ZFHX3: variants seen among roughly 807,000 people sequenced by gnomAD.
ZFHX3 encodes the protein zinc finger homeobox protein 3.
Under a neutral mutation model 279.1 loss-of-function variants are expected in ZFHX3, and 42 were observed. That is an observed-to-expected ratio of 0.15 (90% CI 0.12 to 0.19). The LOEUF is 0.19. Among genes scored for constraint, ZFHX3 ranks in the 10% least tolerant of loss-of-function variants. The pLI is 1.00. For missense variants in ZFHX3, 4,981 were observed against 4,754.0 expected (o/e 1.05, Z -1.40); for synonymous variants, 2,293 against 1,957.8 (o/e 1.17, Z -4.52).
chr16:73,019,328 G>A (rs5817825), intron 1 of ZFHX3, among the ~76,000 whole-genome samples: 1 of 74,166 alleles, frequency 1.3e-5, no homozygotes, highest in South Asian at 4.3e-4. Flanking sequence ...CAGCGTGTGC[G>A]TGTGTGTGTC....
intron 5 of ZFHX3, among the ~76,000 whole-genome samples, chr16:73,190,233 A>G (rs1006878373): frequency 4.6e-5 from 7 of 152,226 alleles, no homozygotes; most frequent in Admixed American, 4.6e-4. Flanking sequence ...TGGTGAATTC[A>G]TTTTGGAAGT....
At position 72,862,971 on chromosome 16, in the gene ZFHX3, A is replaced by G. The variant is rs192943481; in HGVS notation, c.3448+26760T>C. On this transcript the variant is annotated intron_variant, in intron 4 of 9. Transcript: ENST00000268489. ...AAAAAACACATGTATTAGGCTGGGTATGACAGCTCACACCTGTAATTCCAG... is the reference window on the plus strand; with the variant it reads ...AAAAAACACATGTATTAGGCTGGGTGTGACAGCTCACACCTGTAATTCCAG... Among the ~76,000 whole-genome samples, 22 of 152,328 alleles carry G rather than the reference A, an allele frequency of 1.4e-4. No individual in the cohort carries two copies. In the East Asian group the frequency reaches 2.9e-3, roughly 20 times the overall value.
intron 3 of ZFHX3, among the ~76,000 whole-genome samples, chr16:73,320,126 A>G (rs546758289): frequency 6.6e-6 from 1 of 152,214 alleles, no homozygotes; most frequent in African/African-American, 2.4e-5. Flanking sequence ...TGCAATCACT[A>G]TGAAAAGAAA....
intron 2 of ZFHX3, among the ~76,000 whole-genome samples, chr16:73,506,519 G>T (rs764021663): frequency 6.6e-6 from 1 of 152,186 alleles, no homozygotes; most frequent in Non-Finnish European, 1.5e-5. Context: ...CAAAGTTCAT[G>T]TATATTAGCC....
chr16:73,493,794 G>A (rs912281026), intron 2 of ZFHX3, among the ~76,000 whole-genome samples: 1 of 152,072 alleles, frequency 6.6e-6, no homozygotes, highest in African/African-American at 2.4e-5. Context: ...ATGCACACAC[G>A]GTTGACCCTT....
At chr16:73,222,970 A>T (rs1597228262) in intron 5 of ZFHX3, among the ~76,000 whole-genome samples, 1 of 152,196 alleles carries the variant, frequency 6.6e-6, no homozygotes, top group East Asian at 1.9e-4. Flanking sequence ...GATAGAGGAA[A>T]GATAGTCTTT....
intron 2 of ZFHX3, among the ~76,000 whole-genome samples, chr16:73,505,309 A>G (rs2143673913): frequency 6.6e-6 from 1 of 152,292 alleles, no homozygotes; most frequent in East Asian, 1.9e-4. Flanking sequence ...TAATAATAAC[A>G]AAATGCTCGC....
At chr16:72,864,399 A>G (rs1463150975) in intron 4 of ZFHX3, among the ~76,000 whole-genome samples, 1 of 152,162 alleles carries the variant, frequency 6.6e-6, no homozygotes, top group African/African-American at 2.4e-5. Context: ...AAACAAGACC[A>G]CATCAATCAT....
In ZFHX3 at chr16:72,939,038, C is replaced by T. The variant is rs1313447310; in HGVS notation, c.3216+11431G>A. Among the ~76,000 whole-genome samples, 10 of 152,198 alleles carry T rather than the reference C, an allele frequency of 6.6e-5. 1 individual carries two copies. Among genetic ancestry groups the T allele is most frequent in the Admixed American group, 5.9e-4 (9 of 15,292 alleles). On this transcript the variant is annotated intron_variant, in intron 3 of 9. Transcript: ENST00000268489. The stretch of plus-strand genomic sequence containing the variant: ...ACACATAGCCCTGGGACCCGCGCCA[C>T]TTGGCCTGGCTCACTAGAGGAGCCG...
intron 6 of ZFHX3, among the ~76,000 whole-genome samples, chr16:73,143,342 G>T (rs1000503546): frequency 2.6e-5 from 4 of 151,990 alleles, no homozygotes. Flanking sequence ...ACCAAGAAAT[G>T]CTCAGAGACG....
intron 2 of ZFHX3, among the ~76,000 whole-genome samples, chr16:73,568,678 G>A (rs528903620): frequency 1.3e-5 from 2 of 152,242 alleles, no homozygotes; most frequent in African/African-American, 2.4e-5. Context: ...ATTCACCACC[G>A]TCATTGCCAT....
intron 1 of ZFHX3, chr16:72,973,483 CA>C (rs1962195909): frequency 6.6e-6 from 1 of 152,282 alleles, no homozygotes; most frequent in Non-Finnish European, 1.5e-5. Context: ...TCTGTTCCCA[CA>C]ACCCCAGGCC....
intron 9 of ZFHX3, among the ~76,000 whole-genome samples, chr16:72,792,272 AAAAAG>A (rs1448005874): frequency 6.6e-6 from 1 of 152,164 alleles, no homozygotes. Flanking sequence ...CAAAAGGAAA[AAAAAG>A]AGGTGACTGA....
intron 1 of ZFHX3, among the ~76,000 whole-genome samples, chr16:73,686,642 A>C (rs902551218): frequency 1.3e-5 from 2 of 152,160 alleles, no homozygotes; most frequent in South Asian, 4.1e-4. Context: ...TGATCCAAGC[A>C]CGCAGGCTGT....
intron 5 of ZFHX3, among the ~76,000 whole-genome samples, chr16:73,215,440 CT>C (rs2012169436): frequency 6.6e-6 from 1 of 152,240 alleles, no homozygotes; most frequent in Non-Finnish European, 1.5e-5. Flanking sequence ...TGAAAGGCAG[CT>C]GCTGCCAAGA....
At position 72,794,506 on chromosome 16, in the gene ZFHX3, G is replaced by C. The variant is rs780920169; in HGVS notation, c.8176C>G (p.Leu2726Val). The change falls in exon 9 of 10, where the codon CTT (leucine) becomes GTT (valine). Residue 2726 changes from leucine to valine, a missense_variant. Coordinates refer to ENST00000268489, the MANE Select transcript of ZFHX3 (RefSeq NM_006885.4). The surrounding 1 kb of genome is among the most constrained non-coding windows in gnomAD (Gnocchi z 4.2). ...CRALFKAKTA[L>V]EAHIRSRHWH... Reference sequence around the variant, plus strand: ...TGACGGGACCGGATATGAGCCTCAAGAGCAGTCTTGGCTTTGAAGAGCGCT... The same window carrying C: ...TGACGGGACCGGATATGAGCCTCAACAGCAGTCTTGGCTTTGAAGAGCGCT... 1.9e-6 allele frequency: 3 copies of C among 1,614,108 alleles called. No homozygotes were observed. Among genetic ancestry groups the C allele is most frequent in the Admixed American group, 1.7e-5 (1 of 60,012 alleles).
At chr16:72,923,678 A>G (rs2144251735) in intron 3 of ZFHX3, among the ~76,000 whole-genome samples, 1 of 152,216 alleles carries the variant, frequency 6.6e-6, no homozygotes, top group South Asian at 2.1e-4. Flanking sequence ...AGCCTACAAC[A>G]TCGCTTCCCA....
intron 1 of ZFHX3, among the ~76,000 whole-genome samples, chr16:73,859,122 T>G (rs1201082445): frequency 6.6e-6 from 1 of 152,140 alleles, no homozygotes; most frequent in Non-Finnish European, 1.5e-5. Context: ...CATGGGGAAT[T>G]AGGATCAAAG....
At chr16:73,109,350 G>A (rs1285061927) in intron 7 of ZFHX3, among the ~76,000 whole-genome samples, 2 of 151,984 alleles carry the variant, frequency 1.3e-5, no homozygotes, top group East Asian at 3.9e-4. Flanking sequence ...CTGTTGAAGC[G>A]CTTCGTATTA....
Sources: allele counts gnomAD v4.1 joint callset (sites outside exome capture counted in the v4.1 genomes callset), GRCh38; gene constraint gnomAD v4.1.1; non-coding constraint Gnocchi (gnomAD v3.1); transcripts MANE v1.5; gene names NCBI Gene and HGNC (gene_info 2026-07-23, HGNC 2026-07-21).